ESRRB: variants seen among roughly 807,000 people sequenced by gnomAD.
ESRRB encodes the protein estrogen related receptor beta, also known as steroid hormone receptor ERR2.
A neutral mutation model predicts 46.0 loss-of-function variants in ESRRB; 16 were observed. The observed-to-expected ratio is 0.35, with a 90% CI of 0.24 to 0.53. The LOEUF (loss-of-function observed/expected upper bound fraction) is 0.53. Ranked by LOEUF, ESRRB falls within the 20% of genes least tolerant of loss-of-function variation. ESRRB has a pLI of 0.93. For synonymous variants in ESRRB, 246 were observed against 259.6 expected, an observed-to-expected ratio of 0.95 and a Z score of 0.50; for missense variants, 488 against 607.4, an observed-to-expected ratio of 0.80 and a Z score of 2.07.
At chr14:76,350,239 C>T (rs747872710) in intron 1 of ESRRB, among the ~76,000 whole-genome samples, 1 of 152,212 alleles carries the variant, frequency 6.6e-6, no homozygotes, top group South Asian at 2.1e-4. Context: ...CTACTTCTCA[C>T]TAAAGCATGT....
At position 76,458,130 on chromosome 14, in the gene ESRRB, T is replaced by C. The variant is rs192347021; in HGVS notation, c.461-4415T>C. Among the ~76,000 whole-genome samples the C allele has an allele frequency of 1.4e-4, 22 of 152,262 alleles. 1 individual carries two copies. The highest frequency in any genetic ancestry group is 5.3e-4 in the African/African-American group (22 of 41,572). ...TACACTCCCAGGTTAGAACCTGGAATTTATGCTAACCATTGGCCATGTCCC... is the reference window on the plus strand; with the variant it reads ...TACACTCCCAGGTTAGAACCTGGAACTTATGCTAACCATTGGCCATGTCCC... On this transcript the variant is annotated intron_variant, in intron 2 of 6. Transcript: ENST00000644823.
intron 5 of ESRRB, among the ~76,000 whole-genome samples, chr14:76,490,405 C>T (rs1890178011): frequency 6.6e-6 from 1 of 152,164 alleles, no homozygotes; most frequent in Admixed American, 6.5e-5. Flanking sequence ...CATTGTTCTG[C>T]AGTGAGAACT....
At chr14:76,392,868 T>G (rs1885523631) in intron 1 of ESRRB, among the ~76,000 whole-genome samples, 1 of 152,216 alleles carries the variant, frequency 6.6e-6, no homozygotes, top group African/African-American at 2.4e-5. Flanking sequence ...CCCACCTCCT[T>G]GCTGCTCCCT....
chr14:76,488,777 C>T (rs897808217), intron 5 of ESRRB, among the ~76,000 whole-genome samples: 21 of 152,228 alleles, frequency 1.4e-4, no homozygotes, highest in Non-Finnish European at 2.6e-4. Flanking sequence ...CCTCAAGGCT[C>T]CCCTTCCACA....
chr14:76,324,810 C>T (rs1354051399), intron 1 of ESRRB, among the ~76,000 whole-genome samples: 1 of 152,108 alleles, frequency 6.6e-6, no homozygotes, highest in Non-Finnish European at 1.5e-5. Flanking sequence ...CAGCAGCTTC[C>T]CTCCAGGTCC....
At position 76,494,863 on chromosome 14, in the gene ESRRB, G is replaced by A. The variant is rs919238253; in HGVS notation, c.1120+3147G>A. ...TTGGAGGTCAAGCCCTCTATTCTGG[G>A]CTCTCCTAACTTACACCAGACACAG... is the stretch of plus-strand genomic sequence containing the variant. On this transcript the variant is annotated intron_variant, in intron 6 of 6. Coordinates refer to ENST00000644823, the MANE Select transcript of ESRRB (RefSeq NM_001379180.1). Among the ~76,000 whole-genome samples, 192 of 152,268 alleles carry A rather than the reference G, an allele frequency of 1.3e-3. 1 individual carries two copies. The highest frequency in any genetic ancestry group is 9.7e-4 in the East Asian group (5 of 5,170).
At chr14:76,355,247 G>C (rs1884365541) in intron 1 of ESRRB, among the ~76,000 whole-genome samples, 1 of 152,176 alleles carries the variant, frequency 6.6e-6, no homozygotes, top group Non-Finnish European at 1.5e-5. Context: ...AGCTACCAGG[G>C]CTGGGGATGC....
chr14:76,450,941 G>A (rs915175418), intron 2 of ESRRB, among the ~76,000 whole-genome samples: 4 of 152,294 alleles, frequency 2.6e-5, no homozygotes, highest in African/African-American at 7.2e-5. Context: ...GTAGGGCACT[G>A]GCAAATGACA....
At chr14:76,359,628 C>T (rs985952518) in intron 1 of ESRRB, among the ~76,000 whole-genome samples, 3 of 152,246 alleles carry the variant, frequency 2.0e-5, no homozygotes, top group African/African-American at 7.2e-5. Flanking sequence ...AGACAGACCC[C>T]GATGGGTACA....
At chr14:76,381,163 T>C (rs1306374492) in intron 1 of ESRRB, among the ~76,000 whole-genome samples, 1 of 152,224 alleles carries the variant, frequency 6.6e-6, no homozygotes. Context: ...TGGGATTATA[T>C]CCTTTTAGCC....
upstream of ESRRB, among the ~76,000 whole-genome samples, chr14:76,375,132 C>G (rs1007873447): frequency 1.3e-5 from 2 of 151,050 alleles, no homozygotes; most frequent in Admixed American, 1.3e-4. Flanking sequence ...GGCTTTTCCC[C>G]CCTTTTAAAT....
intron 2 of ESRRB, among the ~76,000 whole-genome samples, chr14:76,449,483 G>A (rs1400226831): frequency 5.9e-5 from 9 of 152,052 alleles, no homozygotes; most frequent in Middle Eastern, 3.4e-3. Flanking sequence ...CCCGGGAGGC[G>A]GAAGTTGCAG....
intron 5 of ESRRB, among the ~76,000 whole-genome samples, chr14:76,486,868 T>C (rs1281268444): frequency 6.6e-6 from 1 of 152,284 alleles, no homozygotes; most frequent in East Asian, 1.9e-4. Context: ...GAGTTACTAA[T>C]AACTTGAGAA....
chr14:76,440,547 ACCTTCCTTCATT>A (rs1887876564), intron 2 of ESRRB, among the ~76,000 whole-genome samples: 1 of 150,990 alleles, frequency 6.6e-6, no homozygotes, highest in Non-Finnish European at 1.5e-5. Context: ...TTTAAGACCG[ACCTTCCTTCATT>A]CCTTCCTTCC....
At chr14:76,490,985 A>G (rs937054708) in intron 5 of ESRRB, among the ~76,000 whole-genome samples, 5 of 152,044 alleles carry the variant, frequency 3.3e-5, no homozygotes, top group Non-Finnish European at 7.4e-5. Context: ...TGCATCAAGG[A>G]TCAGGTGTCA....
chr14:76,461,936 A>G (rs1888879648), intron 2 of ESRRB, among the ~76,000 whole-genome samples: 1 of 152,340 alleles, frequency 6.6e-6, no homozygotes, highest in South Asian at 2.1e-4. Flanking sequence ...GCAGTTGTCC[A>G]TATGTGGTCT....
At chr14:76,369,183 A>T (rs1045790878), upstream of ESRRB, among the ~76,000 whole-genome samples, 5 of 124,642 alleles carry the variant, frequency 4.0e-5, no homozygotes, top group African/African-American at 1.3e-4. Flanking sequence ...GCAACATCTC[A>T]AAAAAAAGAA....
intron 1 of ESRRB, among the ~76,000 whole-genome samples, chr14:76,329,161 G>A (rs1280588105): frequency 1.3e-5 from 2 of 152,138 alleles, no homozygotes; most frequent in Non-Finnish European, 2.9e-5. Flanking sequence ...TGTCAAATTG[G>A]ATCACATTCT....
At chr14:76,332,465 A>G (rs1191488823) in intron 1 of ESRRB, among the ~76,000 whole-genome samples, 1 of 116,766 alleles carries the variant, frequency 8.6e-6, no homozygotes, top group Non-Finnish European at 1.7e-5. Context: ...ATATATATAT[A>G]TTCTATATAT....
Sources: gnomAD v4.1 joint callset for allele counts (sites outside exome capture counted in the v4.1 genomes callset) on GRCh38, gnomAD v4.1.1 for gene constraint, MANE v1.5 for transcripts, NCBI Gene and HGNC (gene_info 2026-07-23, HGNC 2026-07-21) for gene names.